DMD: variants seen among roughly 807,000 people sequenced by gnomAD.
DMD encodes dystrophin, also known as mutant dystrophin.
DMD carries 63 observed loss-of-function variants against 330.1 expected under a neutral mutation model. The ratio of observed to expected loss-of-function variants is 0.19; its 90% CI spans 0.16 to 0.24. The LOEUF (loss-of-function observed/expected upper bound fraction) is 0.24, where lower values mean the gene tolerates loss of function less well. Among genes scored for constraint, DMD ranks in the 10% least tolerant of loss-of-function variants. The pLI, the probability that DMD is intolerant of heterozygous loss-of-function variation, is 1.00. For synonymous variants in DMD, 1,223 were observed against 959.8 expected, an observed-to-expected ratio of 1.27 and a Z score of -5.07; for missense variants, 3,344 against 2,684.1, an observed-to-expected ratio of 1.25 and a Z score of -5.43.
chrX:32,939,486 A>G (rs1357343328), intron 2 of DMD, among the ~76,000 whole-genome samples: 1 of 111,209 alleles, frequency 9.0e-6, no homozygotes, highest in Non-Finnish European at 1.9e-5. Context: ...CTTACACGTC[A>G]GTAAGCCAAA....
chrX:32,866,644 G>A (rs2082501686), intron 2 of DMD, among the ~76,000 whole-genome samples: 1 of 101,754 alleles, frequency 9.8e-6, no homozygotes, highest in Non-Finnish European at 1.9e-5. Flanking sequence ...AAGAATTAAC[G>A]AAGCAATAGT....
chrX:32,117,949 G>A (rs1049953764), intron 44 of DMD, among the ~76,000 whole-genome samples: 9 of 110,808 alleles, frequency 8.1e-5, no homozygotes, highest in African/African-American at 3.0e-4. Context: ...TGGAGCAACT[G>A]AGAAGACTAT....
intron 74 of DMD, among the ~76,000 whole-genome samples, chrX:31,163,352 C>G (rs1001621367): frequency 9.0e-6 from 1 of 111,483 alleles, no homozygotes; most frequent in South Asian, 3.8e-4. Context: ...GTAAGACATG[C>G]CTTTCCTCCT....
chrX:32,334,715 AC>A (rs1245661554), intron 41 of DMD, among the ~76,000 whole-genome samples: 1 of 111,744 alleles, frequency 8.9e-6, no homozygotes, highest in Non-Finnish European at 1.9e-5. Context: ...CAAATAAGAA[AC>A]CTTTCATCAA....
chrX:32,559,359 A>G (rs1372151493), intron 16 of DMD, among the ~76,000 whole-genome samples: 1 of 111,897 alleles, frequency 8.9e-6, no homozygotes, highest in Non-Finnish European at 1.9e-5. Context: ...GAAACACAAA[A>G]TAAGTAAGGT....
intron 18 of DMD, among the ~76,000 whole-genome samples, chrX:32,507,949 A>G (rs768169708): frequency 9.0e-6 from 1 of 110,899 alleles, no homozygotes; most frequent in Non-Finnish European, 1.9e-5. Flanking sequence ...TCTTTCAGAC[A>G]TGCTCTGCTG....
chrX:33,309,293 C>CT (rs2053813860), intron 1 of DMD, among the ~76,000 whole-genome samples: 1 of 111,405 alleles, frequency 9.0e-6, no homozygotes, highest in Non-Finnish European at 1.9e-5. Context: ...TGTTATTGAA[C>CT]TAAGATCTGT....
intron 2 of DMD, 81 bp downstream of exon 2, chrX:33,020,056 ATT>A (rs1190307142): frequency 1.3e-6 from 1 of 749,761 alleles, no homozygotes; most frequent in Non-Finnish European, 2.0e-6. Flanking sequence ...AATAAAACGG[ATT>A]TTTAAGATAC....
chrX:32,456,290 G>A (rs1046261182), intron 25 of DMD, among the ~76,000 whole-genome samples: 6 of 110,878 alleles, frequency 5.4e-5, no homozygotes, highest in African/African-American at 2.0e-4. Flanking sequence ...CTACTACAAT[G>A]TAAATAAATG....
chrX:32,871,592 C>T (rs2083001099), intron 2 of DMD, among the ~76,000 whole-genome samples: 1 of 111,109 alleles, frequency 9.0e-6, no homozygotes, highest in Non-Finnish European at 1.9e-5. Flanking sequence ...TATTGAGCAC[C>T]AATGACATTA....
intron 55 of DMD, among the ~76,000 whole-genome samples, chrX:31,567,654 T>C (rs1465476211): frequency 2.7e-5 from 3 of 111,767 alleles, no homozygotes; most frequent in Non-Finnish European, 5.7e-5. Context: ...TTATTTATTT[T>C]AGACCTTTCC....
At chrX:33,011,456 C>G (rs1382464484) in intron 2 of DMD, among the ~76,000 whole-genome samples, 1 of 112,174 alleles carries the variant, frequency 8.9e-6, no homozygotes, top group African/African-American at 3.2e-5. Flanking sequence ...CAACACCAGA[C>G]TAAATGTCAC....
At chrX:32,949,496 T>C (rs1054151438) in intron 2 of DMD, among the ~76,000 whole-genome samples, 7 of 110,651 alleles carry the variant, frequency 6.3e-5, no homozygotes, top group Admixed American at 3.9e-4. Context: ...AATAGTAAAC[T>C]ACCCAAGGAC....
chrX:32,741,201 C>A (rs1480178124), intron 7 of DMD, among the ~76,000 whole-genome samples: 1 of 111,264 alleles, frequency 9.0e-6, no homozygotes, highest in Admixed American at 9.6e-5. Context: ...GATATTGCCA[C>A]TAAATGTACT....
chrX:32,971,022 C>T (rs376266082), intron 2 of DMD, among the ~76,000 whole-genome samples: 7 of 109,949 alleles, frequency 6.4e-5, no homozygotes, highest in Admixed American at 9.7e-5. Context: ...AGTGCAGTGG[C>T]GCAATTTCGG....
intron 1 of DMD, among the ~76,000 whole-genome samples, chrX:33,191,585 A>G (rs1170622448): frequency 9.0e-5 from 10 of 110,740 alleles, no homozygotes; most frequent in Non-Finnish European, 1.9e-4. Context: ...CACCACGTCC[A>G]GCTAATGTTT....
chrX:31,679,325 T>C (rs1164118096), intron 53 of DMD, 50 bp downstream of exon 53: 1 of 1,004,163 alleles, frequency 1.0e-6, no homozygotes, highest in Admixed American at 2.6e-5. Flanking sequence ...GGTATAATTT[T>C]ATCAAATGTA....
At chrX:31,670,776 C>A (rs1487720941) in intron 53 of DMD, among the ~76,000 whole-genome samples, 1 of 111,814 alleles carries the variant, frequency 8.9e-6, no homozygotes, top group Non-Finnish European at 1.9e-5. Flanking sequence ...TTTTCCTCTT[C>A]TTATAAAAAT....
intron 45 of DMD, among the ~76,000 whole-genome samples, chrX:31,941,386 T>C (rs1006697728): frequency 9.0e-6 from 1 of 111,389 alleles, no homozygotes; most frequent in African/African-American, 3.3e-5. Flanking sequence ...CTCCCGGTTT[T>C]TTAAGCTGAA....
Sources: gnomAD v4.1 joint callset for allele counts (sites outside exome capture counted in the v4.1 genomes callset) on GRCh38, gnomAD v4.1.1 for gene constraint, MANE v1.5 for transcripts, NCBI Gene and HGNC (gene_info 2026-07-23, HGNC 2026-07-21) for gene names.